The following BPNT2 variants were observed in gnomAD, a reference collection of about 807,000 sequenced individuals.
BPNT2 encodes the protein 3'(2'), 5'-bisphosphate nucleotidase 2, also known as Golgi-resident adenosine 3',5'-bisphosphate 3'-phosphatase.
BPNT2 carries 11 observed loss-of-function variants against 29.3 expected under a neutral mutation model. The observed-to-expected ratio is 0.38, with a 90% confidence interval of 0.24 to 0.62. The LOEUF (loss-of-function observed/expected upper bound fraction) is 0.62, where lower values mean the gene tolerates loss of function less well. Ranked by LOEUF, BPNT2 falls within the 20% of genes least tolerant of loss-of-function variation. The pLI, the probability that BPNT2 is intolerant of heterozygous loss-of-function variation, is 0.62. For missense variants in BPNT2, 459 were observed against 473.4 expected, an observed-to-expected ratio of 0.97 and a Z score of 0.28; for synonymous variants, 195 against 187.7, an observed-to-expected ratio of 1.04 and a Z score of -0.32.
At chr8:56,966,406 T>C in intron 3 of BPNT2, 54 bp from the exon 4 acceptor site, 2 of 1,502,120 alleles carry the variant, frequency 1.3e-6, no homozygotes, top group Non-Finnish European at 1.9e-6. Context: ...AAACTAAAGG[T>C]TATATTCTTC....
chr8:56,993,861 G>A lies in BPNT2; in HGVS notation c.-276C>T, dbSNP rs553671090. ...CCGACTTCCACGTTAGCCTACGGCCGCGAGGTGAAAGGGGAGCGTGGGTGT... is the reference window on the plus strand; with the variant it reads ...CCGACTTCCACGTTAGCCTACGGCCACGAGGTGAAAGGGGAGCGTGGGTGT... On this transcript the variant is annotated 5_prime_UTR_variant, in exon 1 of 5. Coordinates refer to ENST00000262644, the MANE Select transcript of BPNT2 (RefSeq NM_017813.5). 59 of 199,638 alleles carry A rather than the reference G, an allele frequency of 3.0e-4. No homozygotes were observed. The highest frequency in any genetic ancestry group is 1.2e-3 in the African/African-American group (53 of 42,468). 12.4% of individuals were successfully genotyped at this position (199,638 alleles called of 1,614,324 possible). A position where few individuals can be genotyped will look rare whatever the true frequency, so the allele number is the denominator to read the frequency against.
chr8:56,964,963 A>G (rs899309266), intron 4 of BPNT2, among the ~76,000 whole-genome samples: 4 of 152,234 alleles, frequency 2.6e-5, no homozygotes, highest in Admixed American at 2.0e-4. Context: ...TAAGAAAATA[A>G]TGAAGCCATA....
At chr8:56,964,775 G>A (rs115533600) in intron 4 of BPNT2, among the ~76,000 whole-genome samples, 15 of 152,276 alleles carry the variant, frequency 9.9e-5, no homozygotes, top group African/African-American at 3.4e-4. Flanking sequence ...AAGTAGGCCC[G>A]ATGTGAAAGA....
In BPNT2 at chr8:56,959,313, A is replaced by G. The variant is rs1805788892; in HGVS notation, c.*4480T>C. 1 of 152,204 alleles carries G rather than the reference A, an allele frequency of 6.6e-6. No homozygotes were observed. The highest frequency in any genetic ancestry group is 2.1e-4 in the South Asian group (1 of 4,836). 9.4% of individuals were successfully genotyped at this position (152,204 alleles called of 1,614,324 possible). On this transcript the variant is annotated 3_prime_UTR_variant, in exon 5 of 5. Transcript: ENST00000262644. ...ATAAATAAAGCTTTGCCAATGGTAA[A>G]TTGGAATGCATATACTTGCCAGGCT...
chr8:56,977,963 G>A (rs1806172115), intron 3 of BPNT2, 87 bp downstream of exon 3: 5 of 876,478 alleles, frequency 5.7e-6, no homozygotes, highest in Non-Finnish European at 9.7e-6. Flanking sequence ...ATATAGGAGT[G>A]GATACAAATT....
intron 1 of BPNT2, 102 bp from the exon 2 acceptor site, chr8:56,980,299 A>G (rs1365885943): frequency 1.1e-6 from 1 of 888,742 alleles, no homozygotes; most frequent in African/African-American, 1.7e-5. Flanking sequence ...ATTATAAATA[A>G]GTAAATCCCT....
intron 3 of BPNT2, among the ~76,000 whole-genome samples, chr8:56,971,709 G>C (rs1189163433): frequency 6.7e-6 from 1 of 148,476 alleles, no homozygotes; most frequent in Non-Finnish European, 1.5e-5. Flanking sequence ...TCACAGTTAA[G>C]AGAAATGTAA....
chr8:56,970,897 A>G (rs1404236552), intron 3 of BPNT2, among the ~76,000 whole-genome samples: 2 of 152,180 alleles, frequency 1.3e-5, no homozygotes, highest in Admixed American at 6.5e-5. Context: ...GTAAAAAAAA[A>G]TGAAGAGAAC....
At chr8:56,987,766 T>G (rs1047222308) in intron 1 of BPNT2, among the ~76,000 whole-genome samples, 2 of 151,118 alleles carry the variant, frequency 1.3e-5, no homozygotes, top group Non-Finnish European at 2.9e-5. Context: ...TCTTGCTCTG[T>G]CACCCAGGCT....
chr8:56,967,320 C>CTA, intron 3 of BPNT2: 1 of 447,466 alleles, frequency 2.2e-6, no homozygotes, highest in Admixed American at 2.4e-5. Flanking sequence ...CTTCTAAAAA[C>CTA]TATACACAGC....
Position 56,958,980 on chromosome 8 carries a change from C to A in BPNT2, c.*4813G>T, listed in dbSNP as rs1805783851. ...AATGATGACTCACTATGCCTTATTTCCTATTTTTAAAAACACAGAATGAGC... is the reference window on the plus strand; with the variant it reads ...AATGATGACTCACTATGCCTTATTTACTATTTTTAAAAACACAGAATGAGC... On this transcript the variant is annotated 3_prime_UTR_variant, in exon 5 of 5. Transcript: ENST00000262644. The A allele has an allele frequency of 6.6e-6, 1 of 152,152 alleles. No individual in the cohort carries two copies. The highest frequency in any genetic ancestry group is 2.4e-5 in the African/African-American group (1 of 41,420). The allele number at this position is 152,152 out of a possible 1,614,324, so 9.4% of individuals were successfully genotyped here.
intron 3 of BPNT2, 89 bp downstream of exon 3, chr8:56,977,961 G>A (rs779868949): frequency 1.3e-5 from 11 of 869,106 alleles, no homozygotes; most frequent in Non-Finnish European, 2.0e-5. Flanking sequence ...TAATATAGGA[G>A]TGGATACAAA....
intron 4 of BPNT2, among the ~76,000 whole-genome samples, chr8:56,965,729 T>C (rs1563404801): frequency 1.3e-5 from 2 of 152,188 alleles, no homozygotes; most frequent in Non-Finnish European, 2.9e-5. Flanking sequence ...CCTCTCTTGC[T>C]CATCCCAGGT....
chr8:56,980,666 T>C (rs563054486), intron 1 of BPNT2, among the ~76,000 whole-genome samples: 310 of 150,286 alleles, frequency 2.1e-3, no homozygotes, highest in African/African-American at 6.9e-3. Context: ...AATTAAAAGA[T>C]AAAATAAATT....
chr8:56,969,311 G>A (rs1380016127), intron 3 of BPNT2, among the ~76,000 whole-genome samples: 1 of 152,190 alleles, frequency 6.6e-6, no homozygotes, highest in Non-Finnish European at 1.5e-5. Context: ...TTGTTAGCAT[G>A]TACTCAGGGA....
chr8:56,960,737 T>G lies in BPNT2; in HGVS notation c.*3056A>C, dbSNP rs1385146057. 2 of 152,186 alleles carry G rather than the reference T, an allele frequency of 1.3e-5. No homozygotes were observed. The highest frequency in any genetic ancestry group is 2.9e-5 in the Non-Finnish European group (2 of 68,030). 9.4% of individuals were successfully genotyped at this position (152,186 alleles called of 1,614,324 possible). A position where few individuals can be genotyped will look rare whatever the true frequency, so the allele number is the denominator to read the frequency against. On this transcript the variant is annotated 3_prime_UTR_variant, in exon 5 of 5. Coordinates refer to ENST00000262644, the MANE Select transcript of BPNT2 (RefSeq NM_017813.5). ...TGTATTTTTTTTTACATTTACATTCTTGAACAATGGGTAGAAAGAAATACT... is the reference window on the plus strand; with the variant it reads ...TGTATTTTTTTTTACATTTACATTCGTGAACAATGGGTAGAAAGAAATACT...
At chr8:56,988,066 C>A (rs1047248245) in intron 1 of BPNT2, among the ~76,000 whole-genome samples, 1 of 152,158 alleles carries the variant, frequency 6.6e-6, no homozygotes, top group African/African-American at 2.4e-5. Context: ...AAACGTACCT[C>A]TACCTGTCCT....
rs770503737 is a variant in BPNT2, at chr8:56,978,152, GA to G, written c.551-8del. 9 of 1,551,826 alleles carry G rather than the reference GA, an allele frequency of 5.8e-6. No homozygotes were observed. The highest frequency in any genetic ancestry group is 2.2e-5 in the East Asian group (1 of 44,546). Reference sequence around the variant, plus strand: ...ACGTACTTTCGAAGATCCTCTATGAGAAAAAAAACAAAACAACACACACAAA... The same window carrying G: ...ACGTACTTTCGAAGATCCTCTATGAGAAAAAAACAAAACAACACACACAAA... On this transcript the variant is annotated splice_region_variant and splice_polypyrimidine_tract_variant and intron_variant, in intron 2 of 4. Coordinates refer to ENST00000262644, the MANE Select transcript of BPNT2 (RefSeq NM_017813.5).
At chr8:56,969,779 CAGT>C (rs996947750) in intron 3 of BPNT2, among the ~76,000 whole-genome samples, 2 of 152,108 alleles carry the variant, frequency 1.3e-5, no homozygotes, top group African/African-American at 4.8e-5. Context: ...CTTAAAATAA[CAGT>C]AGTTGTCTGA....
Sources: allele counts gnomAD v4.1 joint callset (sites outside exome capture counted in the v4.1 genomes callset), GRCh38; gene constraint gnomAD v4.1.1; transcripts MANE v1.5; gene names NCBI Gene and HGNC (gene_info 2026-07-23, HGNC 2026-07-21).